Variants in HSD17B2 observed in about 807,000 individuals in gnomAD.
HSD17B2 encodes 17-beta-hydroxysteroid dehydrogenase type 2.
Under a neutral mutation model 26.9 loss-of-function variants are expected in HSD17B2, and 32 were observed. That is an observed-to-expected ratio of 1.19 (90% confidence interval 0.90 to 1.60). HSD17B2 has a LOEUF of 1.60. Ranked by LOEUF, HSD17B2 falls within the 40% of genes most tolerant of loss-of-function variation. The pLI is 0.00. For synonymous variants in HSD17B2, 246 were observed against 186.7 expected, an observed-to-expected ratio of 1.32 and a Z score of -2.59; for missense variants, 613 against 468.6, an observed-to-expected ratio of 1.31 and a Z score of -2.85.
intron 1 of HSD17B2, among the ~76,000 whole-genome samples, chr16:82,061,639 G>C (rs186375013): frequency 2.0e-4 from 31 of 152,246 alleles, no homozygotes; most frequent in African/African-American, 5.5e-4. Flanking sequence ...TTAAAAATCA[G>C]CTGTCAAATT....
chr16:82,045,042 G>A (rs1334715971), intron 1 of HSD17B2, among the ~76,000 whole-genome samples: 1 of 136,430 alleles, frequency 7.3e-6, no homozygotes, highest in African/African-American at 2.8e-5. Context: ...AAAATCGCTT[G>A]AACATGAGAG....
At chr16:82,088,440 A>G (rs1312072283) in intron 3 of HSD17B2, among the ~76,000 whole-genome samples, 1 of 152,220 alleles carries the variant, frequency 6.6e-6, no homozygotes, top group Non-Finnish European at 1.5e-5. Flanking sequence ...GAGACCAAAT[A>G]TAAAGTGACT....
intron 3 of HSD17B2, chr16:82,071,959 A>G (rs1266969429): frequency 6.6e-6 from 1 of 152,356 alleles, no homozygotes; most frequent in Middle Eastern, 3.4e-3. Flanking sequence ...AAATTTCTTA[A>G]AATAAAGGGT....
At chr16:82,073,401 T>A (rs1243532436) in intron 3 of HSD17B2, among the ~76,000 whole-genome samples, 1 of 152,014 alleles carries the variant, frequency 6.6e-6, no homozygotes, top group African/African-American at 2.4e-5. Context: ...TTTTTTTGTA[T>A]TTTTAGTATA....
At chr16:82,083,169 G>A (rs940338562) in intron 3 of HSD17B2, among the ~76,000 whole-genome samples, 2 of 152,086 alleles carry the variant, frequency 1.3e-5, no homozygotes, top group Non-Finnish European at 2.9e-5. Flanking sequence ...ACACTCCTAC[G>A]GGTGGGAAGT....
chr16:82,068,213 T>C lies in HSD17B2; in HGVS notation c.309T>C (p.Asp103=). The change falls in exon 2 of 5, where the codon GAT becomes GAC. Residue 103 remains aspartate (D), a synonymous_variant. Coordinates refer to ENST00000199936, the MANE Select transcript of HSD17B2 (RefSeq NM_002153.3). ...GCCATGCTTTGTGCAAGTATCTGGA[T>C]GAGCTGGGCTTCACGGTATTTGCCG... The part of the protein sequence containing the change: ...GLGHALCKYL[D]ELGFTVFAGV... The C allele has an allele frequency of 1.9e-6, 3 of 1,614,056 alleles. No individual in the cohort carries two copies. The highest frequency in any genetic ancestry group is 2.5e-6 in the Non-Finnish European group (3 of 1,179,932).
chr16:82,093,890 G>A (rs926667784), intron 4 of HSD17B2: 1 of 152,112 alleles, frequency 6.6e-6, no homozygotes, highest in Non-Finnish European at 1.5e-5. Context: ...TGGAACTGTG[G>A]GTTCCTCCCC....
chr16:82,071,384 A>C, intron 3 of HSD17B2: 1 of 522,360 alleles, frequency 1.9e-6, no homozygotes, highest in Admixed American at 3.1e-5. Flanking sequence ...TGTCTTTATA[A>C]TGTGACTGCC....
At chr16:82,076,227 G>C (rs954584094) in intron 3 of HSD17B2, among the ~76,000 whole-genome samples, 6 of 151,968 alleles carry the variant, frequency 3.9e-5, no homozygotes, top group African/African-American at 1.5e-4. Flanking sequence ...GTGTATAGAA[G>C]GAACACATCT....
At chr16:82,056,425 A>C (rs1292115656) in intron 1 of HSD17B2, 2 of 152,244 alleles carry the variant, frequency 1.3e-5, no homozygotes, top group African/African-American at 4.8e-5. Flanking sequence ...CTATTAACCA[A>C]GCCACAGGAA....
At chr16:82,043,799 G>C (rs556053181) in intron 1 of HSD17B2, among the ~76,000 whole-genome samples, 105 of 152,152 alleles carry the variant, frequency 6.9e-4, no homozygotes, top group South Asian at 4.8e-3. Context: ...CATCCACTGG[G>C]GTTTTGAATA....
At chr16:82,060,129 C>A (rs1035013885) in intron 1 of HSD17B2, among the ~76,000 whole-genome samples, 2 of 152,138 alleles carry the variant, frequency 1.3e-5, no homozygotes, top group African/African-American at 4.8e-5. Context: ...ATACCTTAAT[C>A]TATTTTATGG....
chr16:82,094,487 A>C (rs1904781695), intron 4 of HSD17B2: 1 of 152,164 alleles, frequency 6.6e-6, no homozygotes, highest in Non-Finnish European at 1.5e-5. Context: ...TCCCACGTAC[A>C]CCGTGATGGT....
chr16:82,037,644 T>G (rs1913657075), intron 1 of HSD17B2, among the ~76,000 whole-genome samples: 1 of 152,210 alleles, frequency 6.6e-6, no homozygotes, highest in African/African-American at 2.4e-5. Context: ...ATCTTATTAT[T>G]TAATTTAGAT....
In HSD17B2 at chr16:82,086,914, C is replaced by T. The variant is rs1904543582; in HGVS notation, c.665-3988C>T. 2.0e-5 allele frequency among the ~76,000 whole-genome samples: 3 copies of T among 152,232 alleles called. No individual in the cohort carries two copies. In the South Asian group the frequency reaches 6.2e-4, roughly 31 times the overall value. ...CAACTACCTTCTTGCTGTGTCCTCA[C>T]ATAGCCCTTCCTTGGTGCATGTTCA... On this transcript the variant is annotated intron_variant, in intron 3 of 4. Transcript: ENST00000199936.
chr16:82,087,752 G>C (rs1904568993), intron 3 of HSD17B2, among the ~76,000 whole-genome samples: 1 of 152,124 alleles, frequency 6.6e-6, no homozygotes, highest in Non-Finnish European at 1.5e-5. Context: ...AGGCTGGAAA[G>C]TCCAAGATCA....
chr16:82,045,308 T>A (rs970910614), intron 1 of HSD17B2, among the ~76,000 whole-genome samples: 3 of 152,030 alleles, frequency 2.0e-5, no homozygotes, highest in Admixed American at 6.6e-5. Flanking sequence ...ATCTTAAGCT[T>A]CCCTCTTAAG....
chr16:82,061,514 T>C (rs1049266999), intron 1 of HSD17B2, among the ~76,000 whole-genome samples: 2 of 152,192 alleles, frequency 1.3e-5, no homozygotes, highest in Non-Finnish European at 2.9e-5. Flanking sequence ...GAATCCAGGT[T>C]ATCATCATTT....
In HSD17B2 at chr16:82,098,084, G is replaced by A; in HGVS notation, c.812G>A (p.Gly271Asp). ...TTTCCTTTCACCCCAGATATCGCAG[G>A]CACCAGTGACAAGTGGGAAAAGCTG... Reference protein sequence around the residue: ...QPGGFLTNIAGTSDKWEKLEK... With the variant: ...QPGGFLTNIADTSDKWEKLEK... Residue 271 changes from glycine to aspartate, a missense_variant, in exon 5 of 5, where the codon GGC becomes GAC. Physicochemically the swap from Gly to Asp is moderately conservative, Grantham distance 94. Transcript: ENST00000199936. The A allele has an allele frequency of 6.2e-7, 1 of 1,611,032 alleles. No homozygotes were observed. The highest frequency in any genetic ancestry group is 1.1e-5 in the South Asian group (1 of 90,632).
Sources: allele counts gnomAD v4.1 joint callset (sites outside exome capture counted in the v4.1 genomes callset), GRCh38; gene constraint gnomAD v4.1.1; transcripts MANE v1.5; gene names NCBI Gene and HGNC (gene_info 2026-07-23, HGNC 2026-07-21).